TTBK2: variants seen among roughly 807,000 people sequenced by gnomAD.
The protein encoded by TTBK2 is tau tubulin kinase 2.
A neutral mutation model predicts 110.8 loss-of-function variants in TTBK2; 28 were observed. The observed-to-expected ratio is 0.25, with a 90% CI of 0.19 to 0.35. The LOEUF is 0.35. Ranked by LOEUF, TTBK2 falls within the 10% of genes least tolerant of loss-of-function variation. TTBK2 has a pLI of 1.00. For synonymous variants in TTBK2, 532 were observed against 527.3 expected, an observed-to-expected ratio of 1.01 and a Z score of -0.12; for missense variants, 1,369 against 1,500.3, an observed-to-expected ratio of 0.91 and a Z score of 1.45.
At position 42,859,686 on chromosome 15, in the gene TTBK2, T is replaced by C. The variant is rs556397635; in HGVS notation, c.217+12925A>G. Reference sequence around the variant, plus strand: ...TTATGTCTAGCCATCAAGAAAAATATACAAGGAATACTAGAAGGCAAAAAA... The same window carrying C: ...TTATGTCTAGCCATCAAGAAAAATACACAAGGAATACTAGAAGGCAAAAAA... On this transcript the variant is annotated intron_variant, in intron 3 of 14. Transcript: ENST00000267890. 2.6e-5 allele frequency among the ~76,000 whole-genome samples: 4 copies of C among 152,206 alleles called. No homozygotes were observed. The South Asian group carries it at 6.2e-4, about 24-fold the overall frequency.
At chr15:42,912,362 T>A (rs1436820360) in intron 1 of TTBK2, among the ~76,000 whole-genome samples, 1 of 152,198 alleles carries the variant, frequency 6.6e-6, no homozygotes, top group Non-Finnish European at 1.5e-5. Flanking sequence ...GGAGGGAAAC[T>A]AGATAATTCA....
intron 3 of TTBK2, among the ~76,000 whole-genome samples, chr15:42,862,296 G>T (rs1430648282): frequency 2.6e-5 from 4 of 151,904 alleles, no homozygotes; most frequent in African/African-American, 9.7e-5. Context: ...AGAAAACTTC[G>T]GGCCAATATC....
chr15:42,746,277 T>C lies in TTBK2; in HGVS notation c.3273-20A>G, dbSNP rs1362114940. ...CGTAGCCTTAAAAGAACAGAGAAAATATATTTTAATTTTAATTCATTTCAA... is the reference window on the plus strand; with the variant it reads ...CGTAGCCTTAAAAGAACAGAGAAAACATATTTTAATTTTAATTCATTTCAA... On this transcript the variant is annotated intron_variant, in intron 14 of 14. Transcript: ENST00000267890. The C allele has an allele frequency of 7.0e-6, 11 of 1,562,044 alleles. No individual in the cohort carries two copies. Among genetic ancestry groups the C allele is most frequent in the Non-Finnish European group, 9.6e-6 (11 of 1,142,216 alleles).
At chr15:42,779,167 A>AG (rs1482487314) in intron 11 of TTBK2, among the ~76,000 whole-genome samples, 1 of 152,172 alleles carries the variant, frequency 6.6e-6, no homozygotes, top group Non-Finnish European at 1.5e-5. Context: ...GCACTTTGGG[A>AG]GGGAGGTGGG....
Position 42,753,025 on chromosome 15 carries a change from T to G in TTBK2, c.2221A>C (p.Met741Leu). Reference sequence around the variant, plus strand: ...TTACTTTCTCTAATGTTGGGTAACATGTCATGACCAATGTGATCTATCTGA... The same window carrying G: ...TTACTTTCTCTAATGTTGGGTAACAGGTCATGACCAATGTGATCTATCTGA... ...GLQIDHIGHD[M>L]LPNIRESNKS... The change falls in exon 14 of 15, where the codon ATG becomes CTG. Residue 741 changes from methionine to leucine, a missense_variant. Met to Leu is a conservative substitution (Grantham distance 15, BLOSUM62 2). This residue lies in a region of TTBK2 where 1,097 missense variants were observed against 1,114.7 expected (regional missense o/e 0.98). Transcript: ENST00000267890. The G allele has an allele frequency of 1.2e-6, 2 of 1,614,110 alleles. No individual in the cohort carries two copies. The highest frequency in any genetic ancestry group is 3.3e-4 in the Middle Eastern group (2 of 6,062).
At chr15:42,755,277 A>T (rs571971727) in intron 13 of TTBK2, among the ~76,000 whole-genome samples, 10 of 152,330 alleles carry the variant, frequency 6.6e-5, no homozygotes, top group Admixed American at 6.5e-5. Context: ...ATTAAGTTCT[A>T]GGAAAACTAC....
At chr15:42,869,393 C>G (rs1894519137) in intron 3 of TTBK2, among the ~76,000 whole-genome samples, 1 of 147,206 alleles carries the variant, frequency 6.8e-6, no homozygotes, top group Non-Finnish European at 1.5e-5. Context: ...CTGGCCTAAA[C>G]TATACTTATT....
rs528870372 is a variant in TTBK2, at chr15:42,741,146, G to A, written c.*4649C>T. 90 of 152,322 alleles carry A rather than the reference G, an allele frequency of 5.9e-4. No individual in the cohort carries two copies. The highest frequency in any genetic ancestry group is 2.1e-3 in the African/African-American group (87 of 41,566). 9.4% of individuals were successfully genotyped at this position (152,322 alleles called of 1,614,324 possible). A position where few individuals can be genotyped will look rare whatever the true frequency, so the allele number is the denominator to read the frequency against. On this transcript the variant is annotated 3_prime_UTR_variant, in exon 15 of 15. Coordinates refer to ENST00000267890, the MANE Select transcript of TTBK2 (RefSeq NM_173500.4). Reference sequence around the variant, plus strand: ...ATTCCAGAGGGAAGGCCAAAATATTGAGAATACTCAATGATAGGATGAGTT... The same window carrying A: ...ATTCCAGAGGGAAGGCCAAAATATTAAGAATACTCAATGATAGGATGAGTT...
chr15:42,805,625 C>T (rs555601723), intron 9 of TTBK2, among the ~76,000 whole-genome samples: 2 of 152,312 alleles, frequency 1.3e-5, no homozygotes, highest in African/African-American at 2.4e-5. Flanking sequence ...CCCTCCATCT[C>T]TATTACTTCT....
Position 42,740,030 on chromosome 15 carries a change from A to T in TTBK2, c.*5765T>A, listed in dbSNP as rs1363316174. 8 of 152,362 alleles carry T rather than the reference A, an allele frequency of 5.3e-5. No homozygotes were observed. The highest frequency in any genetic ancestry group is 3.4e-3 in the Middle Eastern group (1 of 292). 9.4% of individuals were successfully genotyped at this position (152,362 alleles called of 1,614,324 possible). On this transcript the variant is annotated 3_prime_UTR_variant, in exon 15 of 15. Transcript: ENST00000267890. ...ATATTAAACTAATAAAAAGAGAGGT[A>T]AAATTCCTATCCATTGTTATTGTAA...
rs115270529 is a variant in TTBK2 at position 42,755,335 on chromosome 15, G to A, written c.1999-2088C>T. Among the ~76,000 whole-genome samples the A allele has an allele frequency of 5.8e-3, 878 of 152,260 alleles. 11 individuals are homozygous for A. The highest frequency in any genetic ancestry group is 0.02 in the African/African-American group (830 of 41,552). On this transcript the variant is annotated intron_variant, in intron 13 of 14. Transcript: ENST00000267890. Reference sequence around the variant, plus strand: ...CAAAATGAATTTGGATTAGTCATAGGAGATTTAGTTTAGAGTCGATCTCTA... The same window carrying A: ...CAAAATGAATTTGGATTAGTCATAGAAGATTTAGTTTAGAGTCGATCTCTA...
rs2061765790 is a variant in TTBK2 at position 42,744,138 on chromosome 15, T to G, written c.*1657A>C. ...TATCTATTGCATTCCTCTGGAGTGT[T>G]TGAAACTGGAGAGAAATTAAGATTC... On this transcript the variant is annotated 3_prime_UTR_variant, in exon 15 of 15. Coordinates refer to ENST00000267890, the MANE Select transcript of TTBK2 (RefSeq NM_173500.4). 6.6e-6 allele frequency: 1 copy of G among 152,174 alleles called. No individual in the cohort carries two copies. The highest frequency in any genetic ancestry group is 6.5e-5 in the Admixed American group (1 of 15,270). 9.4% of individuals were successfully genotyped at this position (152,174 alleles called of 1,614,324 possible). A position where few individuals can be genotyped will look rare whatever the true frequency, so the allele number is the denominator to read the frequency against.
intron 13 of TTBK2, among the ~76,000 whole-genome samples, chr15:42,771,430 GT>G (rs1889672991): frequency 6.6e-6 from 1 of 152,104 alleles, no homozygotes; most frequent in Non-Finnish European, 1.5e-5. Context: ...ATCACTTCAG[GT>G]TGTTTAAATT....
At chr15:42,867,729 T>G (rs780790232) in intron 3 of TTBK2, among the ~76,000 whole-genome samples, 11 of 152,216 alleles carry the variant, frequency 7.2e-5, no homozygotes, top group Non-Finnish European at 1.5e-4. Flanking sequence ...ATTCATGAGC[T>G]GATGAGAACG....
intron 7 of TTBK2, among the ~76,000 whole-genome samples, chr15:42,812,336 G>A (rs1333263097): frequency 6.6e-6 from 1 of 150,438 alleles, no homozygotes; most frequent in Non-Finnish European, 1.5e-5. Flanking sequence ...AAACTTAATT[G>A]CTATCAAAAG....
At chr15:42,899,361 C>T (rs1334699005) in intron 1 of TTBK2, among the ~76,000 whole-genome samples, 1 of 151,086 alleles carries the variant, frequency 6.6e-6, no homozygotes, top group Non-Finnish European at 1.5e-5. Flanking sequence ...TTTTGGAAAC[C>T]GGGGTAGGCG....
chr15:42,770,672 T>G (rs1227557705), intron 13 of TTBK2, among the ~76,000 whole-genome samples: 2 of 152,194 alleles, frequency 1.3e-5, no homozygotes, highest in Non-Finnish European at 2.9e-5. Flanking sequence ...AGATCAAAAA[T>G]AGGAATTCAT....
intron 12 of TTBK2, among the ~76,000 whole-genome samples, chr15:42,776,481 T>G (rs1050353747): frequency 1.3e-5 from 2 of 152,234 alleles, no homozygotes; most frequent in African/African-American, 4.8e-5. Context: ...TCTCTCAAGT[T>G]TCACCTTCCT....
rs1472827057 is a variant in TTBK2, at chr15:42,752,970, A to C, written c.2276T>G (p.Leu759Arg). ...CACAACCAGTCTATTATGATCAGGA[A>C]GTTCTTTTGGTCCCAGGTCTTGAGA... is the stretch of plus-strand genomic sequence containing the variant. ...NKSQDLGPKE[L>R]PDHNRLVVRE... is the part of the protein sequence containing the mutation. The change falls in exon 14 of 15, where the codon CTT becomes CGT. Residue 759 changes from leucine (L) to arginine (R), a missense_variant. By Grantham distance (102) the Leu-to-Arg change is moderately radical. Coordinates refer to ENST00000267890, the MANE Select transcript of TTBK2 (RefSeq NM_173500.4). The C allele has an allele frequency of 6.2e-7, 1 of 1,614,220 alleles. No homozygotes were observed. The highest frequency in any genetic ancestry group is 8.5e-7 in the Non-Finnish European group (1 of 1,180,040).
Sources: gnomAD v4.1 joint callset for allele counts (sites outside exome capture counted in the v4.1 genomes callset) on GRCh38, gnomAD v4.1.1 for gene constraint, gnomAD v4.1.1 regional missense constraint, MANE v1.5 for transcripts, NCBI Gene and HGNC (gene_info 2026-07-23, HGNC 2026-07-21) for gene names.